Variants in FSD1L observed in about 807,000 individuals in gnomAD.
The protein encoded by FSD1L is fibronectin type III and SPRY domain containing 1 like.
FSD1L carries 45 observed loss-of-function variants against 71.6 expected under a neutral mutation model. That is an observed-to-expected ratio of 0.63 (90% confidence interval 0.49 to 0.81). The LOEUF (loss-of-function observed/expected upper bound fraction) is 0.81, where lower values mean the gene tolerates loss of function less well. Among genes scored for constraint, FSD1L ranks in the 30% least tolerant of loss-of-function variants. The probability of loss-of-function intolerance (pLI) is 0.00; values close to 1 mark genes in which losing one functional copy is unlikely to be tolerated. For missense variants in FSD1L, 561 were observed against 618.1 expected (o/e 0.91, Z 0.98); for synonymous variants, 197 against 207.2 (o/e 0.95, Z 0.42).
intron 1 of FSD1L, among the ~76,000 whole-genome samples, chr9:105,450,531 G>C (rs1189523036): frequency 6.9e-6 from 1 of 144,766 alleles, no homozygotes; most frequent in Non-Finnish European, 1.5e-5. Flanking sequence ...TGAGGATTGT[G>C]TTCTTTTTTT....
intron 3 of FSD1L, among the ~76,000 whole-genome samples, chr9:105,467,184 AC>A (rs1426880875): frequency 6.6e-6 from 1 of 152,194 alleles, no homozygotes; most frequent in Non-Finnish European, 1.5e-5. Context: ...CTGTAAATAG[AC>A]TAGTAAAATA....
At chr9:105,490,380 A>G (rs1423193619) in intron 7 of FSD1L, among the ~76,000 whole-genome samples, 1 of 152,000 alleles carries the variant, frequency 6.6e-6, no homozygotes, top group East Asian at 1.9e-4. Context: ...AATTTGTTTG[A>G]GTTCATTGTA....
In FSD1L at chr9:105,534,546, T is replaced by C; in HGVS notation, c.1079T>C (p.Val360Ala). The C allele has an allele frequency of 1.3e-6, 2 of 1,551,288 alleles. No individual in the cohort carries two copies. The highest frequency in any genetic ancestry group is 1.7e-6 in the Non-Finnish European group (2 of 1,146,330). Residue 360 changes from valine to alanine, a missense_variant, in exon 11 of 14, where the codon GTA becomes GCA. This residue lies in a region of FSD1L where 53 missense variants were observed against 102.2 expected (regional missense o/e 0.52). Coordinates refer to ENST00000481272, the MANE Select transcript of FSD1L (RefSeq NM_001145313.3). ...RTSVGSRPPA[V>A]RGSRDRFTGE... ...TCTGTAGGCTCCAGGCCACCAGCAG[T>C]AAGAGGCAGTAGAGATCGTTTTACT...
intron 10 of FSD1L, chr9:105,530,785 A>C: frequency 1.9e-6 from 1 of 517,134 alleles, no homozygotes; most frequent in Non-Finnish European, 3.4e-6. Context: ...ATTTATTACA[A>C]AATGCCAAAG....
At chr9:105,522,793 T>C (rs911469723) in intron 10 of FSD1L, 46 of 1,613,056 alleles carry the variant, frequency 2.9e-5, no homozygotes, top group Non-Finnish European at 3.6e-5. Context: ...GCAGAATGAC[T>C]TCGAAGTGGT....
In FSD1L at chr9:105,522,378, A is replaced by C. The variant is rs146048686; in HGVS notation, c.1025+9442A>C. ...GAAAGGAGTTGGACATGAATTTCAG[A>C]AAGTTTCAGTTGACAAGTCATTTTC... On this transcript the variant is annotated intron_variant, in intron 10 of 13. Coordinates refer to ENST00000481272, the MANE Select transcript of FSD1L (RefSeq NM_001145313.3). The C allele has an allele frequency of 2.2e-5, 36 of 1,614,138 alleles. No homozygotes were observed. In the African/African-American group the frequency reaches 3.1e-4, roughly 14 times the overall value.
At chr9:105,449,654 A>G (rs953960601) in intron 1 of FSD1L, among the ~76,000 whole-genome samples, 5 of 152,380 alleles carry the variant, frequency 3.3e-5, no homozygotes, top group Admixed American at 3.3e-4. Context: ...TTTGTTCTGA[A>G]AACACAGCAT....
intron 13 of FSD1L, among the ~76,000 whole-genome samples, chr9:105,540,673 T>G (rs1396744801): frequency 6.6e-6 from 1 of 152,116 alleles, no homozygotes; most frequent in Non-Finnish European, 1.5e-5. Context: ...AAGATCATAG[T>G]GCAGTGTCAT....
Position 105,551,807 on chromosome 9 carries a change from T to C in FSD1L, c.*5324T>C, listed in dbSNP as rs950539419. On this transcript the variant is annotated 3_prime_UTR_variant, in exon 14 of 14. Transcript: ENST00000481272. ...ATAAATGAATTAAGCTACATTTCCATGCAGGCATTTGCACTTTGAAGTTAG... is the reference window on the plus strand; with the variant it reads ...ATAAATGAATTAAGCTACATTTCCACGCAGGCATTTGCACTTTGAAGTTAG... 3.3e-5 allele frequency: 5 copies of C among 152,212 alleles called. No homozygotes were observed. Among genetic ancestry groups the C allele is most frequent in the African/African-American group, 1.2e-4 (5 of 41,462 alleles). The allele number at this position is 152,212 out of a possible 1,614,324, so 9.4% of individuals were successfully genotyped here. A position where few individuals can be genotyped will look rare whatever the true frequency, so the allele number is the denominator to read the frequency against.
chr9:105,521,598 AT>A, intron 10 of FSD1L: 1 of 1,613,448 alleles, frequency 6.2e-7, no homozygotes, highest in Non-Finnish European at 8.5e-7. Flanking sequence ...ACCTTTGTTC[AT>A]GCAAGAGCCT....
chr9:105,460,099 C>G (rs542846159), intron 1 of FSD1L, among the ~76,000 whole-genome samples: 24 of 152,278 alleles, frequency 1.6e-4, no homozygotes, highest in African/African-American at 5.5e-4. Context: ...TTCTCATCCA[C>G]TTTCTGGGGA....
Position 105,524,404 on chromosome 9 carries a change from A to G in FSD1L, c.1026-10089A>G, listed in dbSNP as rs1242613031. ...ACAGAGGCTTCATCTTATGAAATGGACAAGAGGTTGGTAGTATCTTTACTT... is the reference window on the plus strand; with the variant it reads ...ACAGAGGCTTCATCTTATGAAATGGGCAAGAGGTTGGTAGTATCTTTACTT... On this transcript the variant is annotated intron_variant, in intron 10 of 13. Transcript: ENST00000481272. 9.3e-6 allele frequency: 15 copies of G among 1,613,724 alleles called. No individual in the cohort carries two copies. In the Middle Eastern group the frequency reaches 4.9e-4, roughly 53 times the overall value.
chr9:105,515,513 T>G (rs1366667504), intron 10 of FSD1L, among the ~76,000 whole-genome samples: 2 of 152,054 alleles, frequency 1.3e-5, no homozygotes, highest in Admixed American at 6.6e-5. Context: ...GGTTGGACAG[T>G]GGGTGCAGCC....
chr9:105,544,002 C>T (rs558936232), intron 13 of FSD1L, among the ~76,000 whole-genome samples: 2 of 152,294 alleles, frequency 1.3e-5, no homozygotes, highest in East Asian at 1.9e-4. Context: ...CCTGAGGAAT[C>T]GCCACACTGT....
rs1480478171 is a variant in FSD1L, at chr9:105,547,277, C to T, written c.*794C>T. The stretch of plus-strand genomic sequence containing the variant: ...TTTTGATTTTGTTGTCTAGTTTAAT[C>T]CTACCTTTAATAGTTGTGTTTGGTA... On this transcript the variant is annotated 3_prime_UTR_variant, in exon 14 of 14. Transcript: ENST00000481272. 2.1e-5 allele frequency: 3 copies of T among 145,486 alleles called. No individual in the cohort carries two copies. Among genetic ancestry groups the T allele is most frequent in the Non-Finnish European group, 4.6e-5 (3 of 64,630 alleles). The allele number at this position is 145,486 out of a possible 1,614,324, so 9.0% of individuals were successfully genotyped here.
chr9:105,546,589 C>T lies in FSD1L; in HGVS notation c.*106C>T. ...TAGTGAAAATCAGGTTTGCTGTGTT[C>T]TGCTTTGAGGCCTGGAATCTTTTAT... On this transcript the variant is annotated 3_prime_UTR_variant, in exon 14 of 14. Transcript: ENST00000481272. 8.8e-7 allele frequency: 1 copy of T among 1,141,582 alleles called. No homozygotes were observed. The highest frequency in any genetic ancestry group is 2.7e-5 in the East Asian group (1 of 36,798). 70.7% of individuals were successfully genotyped at this position (1,141,582 alleles called of 1,614,324 possible).
At chr9:105,460,115 A>G (rs1257276511) in intron 1 of FSD1L, among the ~76,000 whole-genome samples, 1 of 152,218 alleles carries the variant, frequency 6.6e-6, no homozygotes, top group East Asian at 1.9e-4. Flanking sequence ...GGGGAAGTAC[A>G]GTATTTTTAC....
intron 5 of FSD1L, among the ~76,000 whole-genome samples, chr9:105,476,688 G>T (rs1015072792): frequency 6.6e-6 from 1 of 152,030 alleles, no homozygotes; most frequent in Non-Finnish European, 1.5e-5. Flanking sequence ...AAAAGTCACC[G>T]TTCTTGAAAT....
chr9:105,515,577 G>A (rs1490997635), intron 10 of FSD1L, among the ~76,000 whole-genome samples: 2 of 152,080 alleles, frequency 1.3e-5, no homozygotes, highest in Non-Finnish European at 2.9e-5. Context: ...GGAAGTGCAA[G>A]GGGTCAGGGA....
Sources: gnomAD v4.1 joint callset for allele counts (sites outside exome capture counted in the v4.1 genomes callset) on GRCh38, gnomAD v4.1.1 for gene constraint, gnomAD v4.1.1 regional missense constraint, MANE v1.5 for transcripts, NCBI Gene and HGNC (gene_info 2026-07-23, HGNC 2026-07-21) for gene names.